The following NECAB1 variants were observed in gnomAD, a reference collection of about 807,000 sequenced individuals.
NECAB1 encodes N-terminal EF-hand calcium-binding protein 1.
NECAB1 carries 29 observed loss-of-function variants against 57.5 expected under a neutral mutation model. That is an observed-to-expected ratio of 0.50 (90% confidence interval 0.38 to 0.69). The LOEUF (loss-of-function observed/expected upper bound fraction) is 0.69, where lower values mean the gene tolerates loss of function less well. NECAB1 is among the 30% of genes least tolerant of loss of function. The pLI is 0.00. For missense variants in NECAB1, 372 were observed against 413.8 expected, an observed-to-expected ratio of 0.90 and a Z score of 0.88; for synonymous variants, 142 against 147.7, an observed-to-expected ratio of 0.96 and a Z score of 0.28.
intron 2 of NECAB1, among the ~76,000 whole-genome samples, chr8:90,803,467 GT>G (rs759153827): frequency 3.9e-4 from 60 of 152,184 alleles, no homozygotes; most frequent in Non-Finnish European, 7.2e-4. Flanking sequence ...CCTTACCTTT[GT>G]ATGTATTTCT....
chr8:90,829,444 C>A (rs1248050499), intron 3 of NECAB1, among the ~76,000 whole-genome samples: 1 of 151,980 alleles, frequency 6.6e-6, no homozygotes, highest in Admixed American at 6.6e-5. Flanking sequence ...CCCCTGGAGA[C>A]CAAAACCAAT....
rs67911820 is a variant in NECAB1 at position 90,907,143 on chromosome 8, T to TGAGAGAGAGAGA, written c.358-10348_358-10347insAGAGAGAGAGAG. The stretch of plus-strand genomic sequence containing the variant: ...AATTTTGTGTGTGTGTGTGTGTGTG[T>TGAGAGAGAGAGA]GTGTGTGTGAGAGAGAGAGAGAGAG... On this transcript the variant is annotated intron_variant, in intron 5 of 12. Transcript: ENST00000417640. 2.7e-4 allele frequency among the ~76,000 whole-genome samples: 29 copies of TGAGAGAGAGAGA among 106,644 alleles called. 1 individual carries two copies. Among genetic ancestry groups the TGAGAGAGAGAGA allele is most frequent in the East Asian group, 2.6e-3 (9 of 3,468 alleles). 70.0% of individuals were successfully genotyped at this position (106,644 alleles called of 152,430 possible). A position where few individuals can be genotyped will look rare whatever the true frequency, so the allele number is the denominator to read the frequency against.
At position 90,925,491 on chromosome 8, in the gene NECAB1, T is replaced by C. The variant is rs562519266; in HGVS notation, c.495-44T>C. The C allele has an allele frequency of 1.4e-5, 22 of 1,598,426 alleles. No individual in the cohort carries two copies. The African/African-American group carries it at 2.7e-4, about 19-fold the overall frequency. Reference sequence around the variant, plus strand: ...AGATCTCTTCCCTGAAGGAAGAGACTGAAGCACTAACATTAAGGTTAAATG... The same window carrying C: ...AGATCTCTTCCCTGAAGGAAGAGACCGAAGCACTAACATTAAGGTTAAATG... On this transcript the variant is annotated intron_variant, in intron 6 of 12. Transcript: ENST00000417640.
intron 9 of NECAB1, among the ~76,000 whole-genome samples, chr8:90,937,489 T>C (rs913452338): frequency 2.6e-5 from 4 of 152,150 alleles, no homozygotes; most frequent in Admixed American, 2.6e-4. Flanking sequence ...AACTTATATA[T>C]CTCTTACTAC....
intron 1 of NECAB1, among the ~76,000 whole-genome samples, chr8:90,797,377 A>T (rs548125918): frequency 6.6e-6 from 1 of 152,340 alleles, no homozygotes; most frequent in East Asian, 1.9e-4. Flanking sequence ...TGTGGCAATG[A>T]TTAGATTTAT....
chr8:90,839,476 A>G (rs985746244), intron 3 of NECAB1, among the ~76,000 whole-genome samples: 2 of 152,234 alleles, frequency 1.3e-5, no homozygotes, highest in African/African-American at 4.8e-5. Context: ...TTTAGCAGAG[A>G]AAGTAGACAA....
chr8:90,942,382 C>T (rs1810692093), intron 10 of NECAB1, among the ~76,000 whole-genome samples: 1 of 152,212 alleles, frequency 6.6e-6, no homozygotes, highest in Non-Finnish European at 1.5e-5. Flanking sequence ...GTGCCACTAA[C>T]AGCTCATCAT....
chr8:90,822,711 G>C (rs374950150), intron 2 of NECAB1, among the ~76,000 whole-genome samples: 14 of 151,772 alleles, frequency 9.2e-5, no homozygotes, highest in South Asian at 6.2e-4. Context: ...GGCAACCCAA[G>C]TGCAGTAATA....
intron 5 of NECAB1, among the ~76,000 whole-genome samples, chr8:90,904,758 C>T (rs1263575054): frequency 6.6e-6 from 1 of 151,786 alleles, no homozygotes; most frequent in East Asian, 1.9e-4. Context: ...GTATAGAAAC[C>T]TAATTTATGA....
At chr8:90,941,879 C>G (rs983164495) in intron 10 of NECAB1, among the ~76,000 whole-genome samples, 9 of 152,224 alleles carry the variant, frequency 5.9e-5, no homozygotes, top group Non-Finnish European at 1.2e-4. Context: ...TAGAAAACTT[C>G]CACAACCAAG....
chr8:90,928,134 C>T (rs1810321720), intron 7 of NECAB1, 89 bp from the exon 8 acceptor site: 3 of 975,516 alleles, frequency 3.1e-6, no homozygotes, highest in East Asian at 2.5e-5. Flanking sequence ...ATCTTTCCTT[C>T]AGGGTTGAAG....
chr8:90,808,717 C>G (rs1210228430), intron 2 of NECAB1, among the ~76,000 whole-genome samples: 2 of 140,214 alleles, frequency 1.4e-5, no homozygotes, highest in African/African-American at 2.7e-5. Flanking sequence ...ACAACCTCGG[C>G]TCACTGCAAC....
At chr8:90,920,089 G>A (rs1266447734) in intron 6 of NECAB1, among the ~76,000 whole-genome samples, 2 of 152,122 alleles carry the variant, frequency 1.3e-5, no homozygotes, top group African/African-American at 4.8e-5. Flanking sequence ...GAGGATTAAC[G>A]AACCTTTTAC....
At chr8:90,811,346 C>T (rs1811957525) in intron 2 of NECAB1, among the ~76,000 whole-genome samples, 2 of 152,032 alleles carry the variant, frequency 1.3e-5, no homozygotes, top group African/African-American at 4.8e-5. Context: ...AATGCGTTCA[C>T]AATGCAAGAG....
At chr8:90,848,503 A>G (rs1812611824) in intron 3 of NECAB1, among the ~76,000 whole-genome samples, 1 of 152,012 alleles carries the variant, frequency 6.6e-6, no homozygotes, top group South Asian at 2.1e-4. Flanking sequence ...GTGTTAGTTC[A>G]TTTTCACACT....
At chr8:90,909,533 C>T (rs546740188) in intron 5 of NECAB1, among the ~76,000 whole-genome samples, 26 of 152,130 alleles carry the variant, frequency 1.7e-4, no homozygotes, top group Non-Finnish European at 3.2e-4. Context: ...TCACAATTTT[C>T]GGGGACCGTT....
At chr8:90,931,861 G>A (rs1354731369) in intron 8 of NECAB1, among the ~76,000 whole-genome samples, 1 of 151,890 alleles carries the variant, frequency 6.6e-6, no homozygotes, top group African/African-American at 2.4e-5. Flanking sequence ...CCGAGATCGT[G>A]CCACTTCACT....
chr8:90,829,217 A>G (rs1436676025), intron 3 of NECAB1, among the ~76,000 whole-genome samples: 2 of 152,068 alleles, frequency 1.3e-5, no homozygotes, highest in African/African-American at 4.8e-5. Flanking sequence ...AACTAAATCT[A>G]TAGCTTGGTA....
chr8:90,885,925 A>T (rs1342698312), intron 5 of NECAB1, among the ~76,000 whole-genome samples: 1 of 152,188 alleles, frequency 6.6e-6, no homozygotes, highest in Non-Finnish European at 1.5e-5. Flanking sequence ...AGGTGTCCAG[A>T]GCTCAGTGTA....
Sources: allele counts gnomAD v4.1 joint callset (sites outside exome capture counted in the v4.1 genomes callset), GRCh38; gene constraint gnomAD v4.1.1; transcripts MANE v1.5; gene names NCBI Gene and HGNC (gene_info 2026-07-23, HGNC 2026-07-21).